Variants in DEPDC1B observed in about 807,000 individuals in gnomAD.
The protein encoded by DEPDC1B is DEP domain containing 1B.
A neutral mutation model predicts 66.5 loss-of-function variants in DEPDC1B; 51 were observed. The ratio of observed to expected loss-of-function variants is 0.77; its 90% CI spans 0.61 to 0.97. The LOEUF is 0.97. Ranked by LOEUF, DEPDC1B falls within the 50% of genes least tolerant of loss-of-function variation. DEPDC1B has a pLI of 0.00. For missense variants in DEPDC1B, 552 were observed against 637.1 expected (o/e 0.87, Z 1.44); for synonymous variants, 226 against 223.6 (o/e 1.01, Z -0.10).
At chr5:60,673,719 A>T (rs1754096617) in intron 2 of DEPDC1B, among the ~76,000 whole-genome samples, 1 of 152,010 alleles carries the variant, frequency 6.6e-6, no homozygotes, top group Non-Finnish European at 1.5e-5. Context: ...GCAAGTTACC[A>T]CTCTTCTCAG....
intron 2 of DEPDC1B, among the ~76,000 whole-genome samples, chr5:60,668,149 AAAATGGATAT>A (rs1561384926): frequency 2.5e-5 from 1 of 40,602 alleles, no homozygotes; most frequent in Non-Finnish European, 4.1e-5. Context: ...ATATATATAT[AAAATGGATAT>A]TATATATATA....
At chr5:60,615,697 G>C (rs1752534794) in intron 7 of DEPDC1B, among the ~76,000 whole-genome samples, 1 of 152,210 alleles carries the variant, frequency 6.6e-6, no homozygotes, top group Admixed American at 6.5e-5. Flanking sequence ...GCCTGCCTCT[G>C]TAGACTCCAC....
chr5:60,654,355 GT>G lies in DEPDC1B; in HGVS notation c.315-6823del, dbSNP rs543463797. Among the ~76,000 whole-genome samples, 34 of 139,764 alleles carry G rather than the reference GT, an allele frequency of 2.4e-4. 5 individuals carry two copies. The highest frequency in any genetic ancestry group is 5.5e-4 in the African/African-American group (20 of 36,606). The allele number at this position is 139,764 out of a possible 152,430, so 91.7% of individuals were successfully genotyped here. ...AGGTATATTCCCTAAGTTTTTTGGT[GT>G]TTTTTTTTTCTTTTTTTTTGGTGGG... On this transcript the variant is annotated intron_variant, in intron 2 of 10. Transcript: ENST00000265036.
At chr5:60,647,322 A>T in intron 3 of DEPDC1B, 76 bp downstream of exon 3, 1 of 1,495,596 alleles carries the variant, frequency 6.7e-7, no homozygotes, top group African/African-American at 1.4e-5. Context: ...AAAGGACCAC[A>T]GAAAGACCAA....
At chr5:60,653,116 G>T (rs1388454811) in intron 2 of DEPDC1B, among the ~76,000 whole-genome samples, 1 of 149,146 alleles carries the variant, frequency 6.7e-6, no homozygotes, top group Non-Finnish European at 1.5e-5. Flanking sequence ...TTTCCTCTGG[G>T]TCGATACCCA....
rs1044552654 is a variant in DEPDC1B at position 60,609,887 on chromosome 5, G to C, written c.899-4031C>G. Among the ~76,000 whole-genome samples the C allele has an allele frequency of 2.6e-5, 4 of 152,208 alleles. No individual in the cohort carries two copies. In the East Asian group the frequency reaches 7.7e-4, roughly 29 times the overall value. ...TTAATTCATATCTCCCTCCAAAGAG[G>C]TATAAAATTGGTATGCCCAATTCCA... On this transcript the variant is annotated intron_variant, in intron 7 of 10. Transcript: ENST00000265036.
chr5:60,697,346 G>C (rs1754680253), intron 1 of DEPDC1B, among the ~76,000 whole-genome samples: 2 of 152,088 alleles, frequency 1.3e-5, no homozygotes, highest in Admixed American at 1.3e-4. Flanking sequence ...GCCATGAAAG[G>C]AGAAAATAAA....
chr5:60,657,303 C>G (rs1220225956), intron 2 of DEPDC1B, among the ~76,000 whole-genome samples: 9 of 152,146 alleles, frequency 5.9e-5, no homozygotes, highest in Non-Finnish European at 1.2e-4. Context: ...AATGTTAGTA[C>G]TGAGAAGTGA....
intron 2 of DEPDC1B, among the ~76,000 whole-genome samples, chr5:60,653,515 G>A (rs1339493359): frequency 6.6e-6 from 1 of 152,136 alleles, no homozygotes; most frequent in African/African-American, 2.4e-5. Context: ...TTTGTCAGGT[G>A]CGTACTTTGT....
At chr5:60,695,766 T>A (rs532729347) in intron 1 of DEPDC1B, among the ~76,000 whole-genome samples, 2 of 152,174 alleles carry the variant, frequency 1.3e-5, no homozygotes, top group Non-Finnish European at 2.9e-5. Flanking sequence ...ACAAGGCCCC[T>A]GTCTTCTTTG....
At chr5:60,645,738 T>C in intron 3 of DEPDC1B, 119 bp from the exon 4 acceptor site, 1 of 1,045,514 alleles carries the variant, frequency 9.6e-7, no homozygotes, top group South Asian at 2.1e-5. Context: ...TGGTTACTTG[T>C]AACTTGATTT....
intron 7 of DEPDC1B, among the ~76,000 whole-genome samples, chr5:60,613,639 T>C (rs1258089909): frequency 1.3e-5 from 2 of 152,156 alleles, no homozygotes; most frequent in African/African-American, 4.8e-5. Context: ...TATTAAAATA[T>C]AATAGCCATA....
intron 7 of DEPDC1B, among the ~76,000 whole-genome samples, chr5:60,622,777 T>G (rs1481696146): frequency 6.6e-6 from 1 of 152,234 alleles, no homozygotes; most frequent in African/African-American, 2.4e-5. Context: ...ATTTCCTGTA[T>G]GATTAATGAT....
chr5:60,673,416 G>A (rs1754091006), intron 2 of DEPDC1B, among the ~76,000 whole-genome samples: 1 of 152,118 alleles, frequency 6.6e-6, no homozygotes, highest in African/African-American at 2.4e-5. Flanking sequence ...AGGAGCGGGG[G>A]GCACTGGAAG....
At chr5:60,678,130 A>AT (rs989085128) in intron 2 of DEPDC1B, among the ~76,000 whole-genome samples, 20 of 148,800 alleles carry the variant, frequency 1.3e-4, no homozygotes, top group East Asian at 3.9e-4. Context: ...GTAAAATAAA[A>AT]TTTTTTTTTT....
intron 7 of DEPDC1B, among the ~76,000 whole-genome samples, chr5:60,618,741 C>G (rs1023250246): frequency 4.6e-5 from 7 of 152,204 alleles, no homozygotes; most frequent in Non-Finnish European, 1.0e-4. Context: ...CCTTCTGAAA[C>G]TATTCCAATC....
intron 2 of DEPDC1B, among the ~76,000 whole-genome samples, chr5:60,667,842 A>C (rs1220434757): frequency 1.7e-5 from 2 of 117,252 alleles, no homozygotes; most frequent in African/African-American, 6.9e-5. Context: ...TATGTAAAAA[A>C]TGGATATTTT....
intron 1 of DEPDC1B, among the ~76,000 whole-genome samples, chr5:60,696,906 G>C (rs1379145502): frequency 6.7e-6 from 1 of 149,794 alleles, no homozygotes; most frequent in African/African-American, 2.5e-5. Flanking sequence ...AAAACTGACT[G>C]GTCTGGGAGT....
chr5:60,603,846 T>TATATATAC (rs1491589366), intron 8 of DEPDC1B, among the ~76,000 whole-genome samples: 7 of 134,326 alleles, frequency 5.2e-5, no homozygotes, highest in African/African-American at 1.6e-4. Flanking sequence ...TATATATATA[T>TATATATAC]ACACACACAT....
Sources: allele counts gnomAD v4.1 joint callset (sites outside exome capture counted in the v4.1 genomes callset), GRCh38; gene constraint gnomAD v4.1.1; transcripts MANE v1.5; gene names NCBI Gene and HGNC (gene_info 2026-07-23, HGNC 2026-07-21).